GMEB1: variants seen among roughly 807,000 people sequenced by gnomAD.
The protein encoded by GMEB1 is glucocorticoid modulatory element binding protein 1.
In GMEB1, 6 loss-of-function variants were observed where a neutral mutation model predicts 52.4. The observed-to-expected ratio is 0.11, with a 90% confidence interval of 0.06 to 0.23. GMEB1 has a LOEUF of 0.23. GMEB1 is among the 10% of genes least tolerant of loss of function. The probability of loss-of-function intolerance (pLI) is 1.00; values close to 1 mark genes in which losing one functional copy is unlikely to be tolerated. For synonymous variants in GMEB1, 255 were observed against 244.9 expected (o/e 1.04, Z -0.38); for missense variants, 486 against 685.6 (o/e 0.71, Z 3.25).
In GMEB1 at chr1:28,683,388, C is replaced by T. The variant is rs191068588; in HGVS notation, c.-30-195C>T. 5.3e-5 allele frequency among the ~76,000 whole-genome samples: 8 copies of T among 152,154 alleles called. No homozygotes were observed. In the East Asian group the frequency reaches 5.8e-4, roughly 11 times the overall value. ...TTACAGATACGCTCCACCACGTACC[C>T]GGTTAATTTTGTATTTTAGTAGAGA... On this transcript the variant is annotated intron_variant, in intron 1 of 9. Coordinates refer to ENST00000373816, the MANE Select transcript of GMEB1 (RefSeq NM_001319674.2).
At chr1:28,704,123 T>C (rs1670638665) in intron 7 of GMEB1, 69 bp from the exon 8 acceptor site, 1 of 1,321,612 alleles carries the variant, frequency 7.6e-7, no homozygotes, top group Non-Finnish European at 1.0e-6. Flanking sequence ...AATTTAACGT[T>C]GTAGAGATTT....
intron 8 of GMEB1, among the ~76,000 whole-genome samples, chr1:28,705,440 A>ATTTTCTTTTTTTTTTTTTTTTTTT (rs1670704936): frequency 1.6e-5 from 2 of 122,708 alleles, no homozygotes; most frequent in Admixed American, 8.6e-5. Context: ...CGATATATGT[A>ATTTTCTTTTTTTTTTTTTTTTTTT]TTTTCTTTTT....
chr1:28,714,659 G>A lies in GMEB1; in HGVS notation c.1578G>A (p.Glu526=). 6.2e-7 allele frequency: 1 copy of A among 1,614,144 alleles called. No homozygotes were observed. The highest frequency in any genetic ancestry group is 8.5e-7 in the Non-Finnish European group (1 of 1,180,016). Reference sequence around the variant, plus strand: ...CGGACCCAGAAGCTGAAGATACTGAGGGCAAAGCAGTCATCTTGGAGACAG... The same window carrying A: ...CGGACCCAGAAGCTGAAGATACTGAAGGCAAAGCAGTCATCTTGGAGACAG... ...PAPDPEAEDT[E]GKAVILETEL... The change falls in exon 10 of 10, where the codon GAG becomes GAA. Residue 526 remains glutamate, a synonymous_variant. Coordinates refer to ENST00000373816, the MANE Select transcript of GMEB1 (RefSeq NM_001319674.2).
At position 28,687,387 on chromosome 1, in the gene GMEB1, C is replaced by CAAAAAAAAA. The variant is rs1242840628; in HGVS notation, c.129-2710_129-2709insAAAAAAAAA. 1.2e-4 allele frequency among the ~76,000 whole-genome samples: 5 copies of CAAAAAAAAA among 41,118 alleles called. 2 individuals are homozygous for CAAAAAAAAA. The highest frequency in any genetic ancestry group is 1.9e-4 in the African/African-American group (2 of 10,440). 27.0% of individuals were successfully genotyped at this position (41,118 alleles called of 152,430 possible). A position where few individuals can be genotyped will look rare whatever the true frequency, so the allele number is the denominator to read the frequency against. On this transcript the variant is annotated intron_variant, in intron 2 of 9. Coordinates refer to ENST00000373816, the MANE Select transcript of GMEB1 (RefSeq NM_001319674.2). ...ACACACACACACACACACACACACA[C>CAAAAAAAAA]AAAAAAAGACAGTGGAGAATAATGT...
rs1011715486 is a variant in GMEB1, at chr1:28,713,153, A to G, written c.992-920A>G. ...AGCCTGGGCGACAGAGCGAGACTCCATCTCAAAAAAAAAAAAAAAAAAGAC... is the reference window on the plus strand; with the variant it reads ...AGCCTGGGCGACAGAGCGAGACTCCGTCTCAAAAAAAAAAAAAAAAAAGAC... On this transcript the variant is annotated intron_variant, in intron 9 of 9. Coordinates refer to ENST00000373816, the MANE Select transcript of GMEB1 (RefSeq NM_001319674.2). 9.2e-5 allele frequency among the ~76,000 whole-genome samples: 13 copies of G among 142,000 alleles called. No homozygotes were observed. The Middle Eastern group carries it at 0.015, about 159-fold the overall frequency. The allele number at this position is 142,000 out of a possible 152,430, so 93.2% of individuals were successfully genotyped here. A position where few individuals can be genotyped will look rare whatever the true frequency, so the allele number is the denominator to read the frequency against.
At chr1:28,669,906 C>G (rs1396966563) in intron 1 of GMEB1, among the ~76,000 whole-genome samples, 1 of 152,064 alleles carries the variant, frequency 6.6e-6, no homozygotes, top group Non-Finnish European at 1.5e-5. Context: ...GGAGGATGAT[C>G]CACAAGACAA....
rs1410427951 is a variant in GMEB1, at chr1:28,702,422, A to G, written c.599-16A>G. Reference sequence around the variant, plus strand: ...CGTTAAATTCACTGTTCTCACCTCTACTGGACTGTTTTTAGGTAGCATCAC... The same window carrying G: ...CGTTAAATTCACTGTTCTCACCTCTGCTGGACTGTTTTTAGGTAGCATCAC... On this transcript the variant is annotated splice_polypyrimidine_tract_variant and intron_variant, in intron 6 of 9. Coordinates refer to ENST00000373816, the MANE Select transcript of GMEB1 (RefSeq NM_001319674.2). 2 of 1,611,482 alleles carry G rather than the reference A, an allele frequency of 1.2e-6. No homozygotes were observed. Among genetic ancestry groups the G allele is most frequent in the African/African-American group, 1.3e-5 (1 of 75,004 alleles).
At chr1:28,677,169 A>G (rs549786945) in intron 1 of GMEB1, among the ~76,000 whole-genome samples, 3 of 152,172 alleles carry the variant, frequency 2.0e-5, no homozygotes, top group South Asian at 4.1e-4. Context: ...ACATTATGTA[A>G]ATATGCCAAA....
intron 6 of GMEB1, 31 bp from the exon 7 acceptor site, chr1:28,702,407 A>T (rs776786482): frequency 1.9e-6 from 3 of 1,597,404 alleles, no homozygotes; most frequent in African/African-American, 1.3e-5. Context: ...CGTTAAATTC[A>T]CTGTTCTCAC....
intron 1 of GMEB1, among the ~76,000 whole-genome samples, chr1:28,671,302 C>T (rs1668874155): frequency 6.6e-6 from 1 of 151,936 alleles, no homozygotes; most frequent in East Asian, 1.9e-4. Context: ...ACAGAGTTTC[C>T]CTCTGTTGCC....
rs2124607475 is a variant in GMEB1 at position 28,716,306 on chromosome 1, T to C, written c.*1533T>C. 1 of 152,298 alleles carries C rather than the reference T, an allele frequency of 6.6e-6. No individual in the cohort carries two copies. Among genetic ancestry groups the C allele is most frequent in the Non-Finnish European group, 1.5e-5 (1 of 68,020 alleles). The allele number at this position is 152,298 out of a possible 1,614,324, so 9.4% of individuals were successfully genotyped here. On this transcript the variant is annotated 3_prime_UTR_variant, in exon 10 of 10. Coordinates refer to ENST00000373816, the MANE Select transcript of GMEB1 (RefSeq NM_001319674.2). ...GGGATGGGGCTCCAAGGCCATCATT[T>C]TCATTGCATGGCTCCAAGAGCAGGG...
chr1:28,696,171 A>C (rs1231959044), intron 5 of GMEB1, among the ~76,000 whole-genome samples: 2 of 151,578 alleles, frequency 1.3e-5, no homozygotes, highest in Non-Finnish European at 2.9e-5. Flanking sequence ...GGCTCAAGTG[A>C]TTCTTCAGCC....
rs1252705058 is a variant in GMEB1, at chr1:28,718,690, G to C, written c.*3917G>C. 6.6e-6 allele frequency: 1 copy of C among 152,122 alleles called. No individual in the cohort carries two copies. Among genetic ancestry groups the C allele is most frequent in the East Asian group, 1.9e-4 (1 of 5,182 alleles). The allele number at this position is 152,122 out of a possible 1,614,324, so 9.4% of individuals were successfully genotyped here. A position where few individuals can be genotyped will look rare whatever the true frequency, so the allele number is the denominator to read the frequency against. Reference sequence around the variant, plus strand: ...ATTGAAAAACATTATTTAAGAATTGGTTCATAGGTTTCAGCAGACTGCCAA... The same window carrying C: ...ATTGAAAAACATTATTTAAGAATTGCTTCATAGGTTTCAGCAGACTGCCAA... On this transcript the variant is annotated 3_prime_UTR_variant, in exon 10 of 10. Coordinates refer to ENST00000373816, the MANE Select transcript of GMEB1 (RefSeq NM_001319674.2).
intron 6 of GMEB1, 81 bp from the exon 7 acceptor site, chr1:28,702,357 T>A: frequency 9.1e-7 from 1 of 1,103,488 alleles, no homozygotes; most frequent in Non-Finnish European, 1.3e-6. Context: ...AAGGTCTTTG[T>A]AGCTATTGAG....
At chr1:28,697,522 A>C (rs1250442776) in intron 6 of GMEB1, among the ~76,000 whole-genome samples, 2 of 152,034 alleles carry the variant, frequency 1.3e-5, no homozygotes, top group Non-Finnish European at 2.9e-5. Flanking sequence ...GCATATTCTT[A>C]ATTTCAATTC....
chr1:28,702,080 G>A (rs2124555199), intron 6 of GMEB1, among the ~76,000 whole-genome samples: 1 of 149,780 alleles, frequency 6.7e-6, no homozygotes. Flanking sequence ...TTCACCCTCA[G>A]TAAGTCTGGG....
At chr1:28,688,369 A>G (rs1669791125) in intron 2 of GMEB1, among the ~76,000 whole-genome samples, 1 of 152,364 alleles carries the variant, frequency 6.6e-6, no homozygotes, top group African/African-American at 2.4e-5. Context: ...GGTCTGTGCT[A>G]GAGGTATCAC....
At chr1:28,711,546 C>T (rs1050324338) in intron 9 of GMEB1, among the ~76,000 whole-genome samples, 1 of 152,026 alleles carries the variant, frequency 6.6e-6, no homozygotes, top group Admixed American at 6.6e-5. Context: ...TTTGACCTTC[C>T]CCGAGCTCAG....
At chr1:28,704,410 C>A in intron 8 of GMEB1, 81 bp downstream of exon 8, 1 of 1,110,788 alleles carries the variant, frequency 9.0e-7, no homozygotes, top group African/African-American at 1.6e-5. Context: ...CTTGCAAAAA[C>A]CCTGATGTAT....
Sources: allele counts gnomAD v4.1 joint callset (sites outside exome capture counted in the v4.1 genomes callset), GRCh38; gene constraint gnomAD v4.1.1; transcripts MANE v1.5; gene names NCBI Gene and HGNC (gene_info 2026-07-23, HGNC 2026-07-21).